RGS6: variants seen among roughly 807,000 people sequenced by gnomAD.
RGS6 encodes regulator of G protein signaling 6.
In RGS6, 30 loss-of-function variants were observed where a neutral mutation model predicts 78.5. That is an observed-to-expected ratio of 0.38 (90% CI 0.29 to 0.52). The LOEUF (loss-of-function observed/expected upper bound fraction) is 0.52. Among genes scored for constraint, RGS6 ranks in the 20% least tolerant of loss-of-function variants. The probability of loss-of-function intolerance (pLI) is 0.85; values close to 1 mark genes in which losing one functional copy is unlikely to be tolerated. For missense variants in RGS6, 495 were observed against 609.7 expected (o/e 0.81, Z 1.98); for synonymous variants, 206 against 206.0 (o/e 1.00, Z 0.00).
chr14:72,185,323 A>C (rs2097225474), intron 2 of RGS6, among the ~76,000 whole-genome samples: 1 of 152,230 alleles, frequency 6.6e-6, no homozygotes, highest in East Asian at 1.9e-4. Context: ...AATACTTTGC[A>C]TTCTTCAATC....
At chr14:72,115,247 T>C (rs749383647) in intron 2 of RGS6, among the ~76,000 whole-genome samples, 35 of 152,204 alleles carry the variant, frequency 2.3e-4, no homozygotes, top group Non-Finnish European at 4.6e-4. Context: ...TCTCTGGATT[T>C]GACTTACGCA....
rs147958111 is a variant in RGS6 at position 72,130,322 on chromosome 14, A to C, written c.84+165447A>C. Among the ~76,000 whole-genome samples, 502 of 152,266 alleles carry C rather than the reference A, an allele frequency of 3.3e-3. 3 individuals carry two copies. Among genetic ancestry groups the C allele is most frequent in the Non-Finnish European group, 6.3e-3 (426 of 68,006 alleles). ...TGAACCCCATTGTTCAAGAGTGAAC[A>C]ATGCAGGCTTCATTGCACAGGCATG... On this transcript the variant is annotated intron_variant, in intron 2 of 17. Transcript: ENST00000553525.
intron 2 of RGS6, among the ~76,000 whole-genome samples, chr14:72,016,978 A>G (rs1232830762): frequency 2.0e-5 from 3 of 152,106 alleles, no homozygotes; most frequent in South Asian, 2.1e-4. Context: ...GAATTTTGTA[A>G]TTTTTGCCAT....
the RGS6 span, among the ~76,000 whole-genome samples, chr14:72,580,637 T>C: frequency 2.0e-5 from 3 of 152,232 alleles, no homozygotes; most frequent in Non-Finnish European, 4.4e-5. Context: ...TTAGTATGGT[T>C]GTAATCAGGC....
chr14:72,063,310 C>G (rs1318389272), intron 2 of RGS6, among the ~76,000 whole-genome samples: 1 of 152,112 alleles, frequency 6.6e-6, no homozygotes, highest in African/African-American at 2.4e-5. Flanking sequence ...TACATGAAGA[C>G]AGTGCCAAGG....
chr14:71,941,600 T>G (rs969295558), intron 1 of RGS6, among the ~76,000 whole-genome samples: 1 of 152,186 alleles, frequency 6.6e-6, no homozygotes, highest in Non-Finnish European at 1.5e-5. Flanking sequence ...ACTGAAGAAC[T>G]TGGAGTCAGA....
chr14:72,395,530 CATA>C (rs1241096642), intron 3 of RGS6, among the ~76,000 whole-genome samples: 3 of 151,918 alleles, frequency 2.0e-5, no homozygotes, highest in Non-Finnish European at 4.4e-5. Flanking sequence ...TACTATCCAA[CATA>C]ATTATTTTTT....
rs56171281 is a variant in RGS6 at position 72,269,567 on chromosome 14, A to ATTTTTTTTTTTTTTTTTTTT, written c.85-82520_85-82501dup. On this transcript the variant is annotated intron_variant, in intron 2 of 17. Coordinates refer to ENST00000553525, the MANE Select transcript of RGS6 (RefSeq NM_001204424.2). ...GTTTTTACAGTGAAACCTATCTTAA[A>ATTTTTTTTTTTTTTTTTTTT]TTTTTTTTTTTTTTTTTTTTTTTTT... Among the ~76,000 whole-genome samples the ATTTTTTTTTTTTTTTTTTTT allele has an allele frequency of 1.7e-5, 2 of 120,334 alleles. 1 individual carries two copies. The highest frequency in any genetic ancestry group is 3.4e-5 in the Non-Finnish European group (2 of 59,348). The allele number at this position is 120,334 out of a possible 152,430, so 78.9% of individuals were successfully genotyped here. A position where few individuals can be genotyped will look rare whatever the true frequency, so the allele number is the denominator to read the frequency against.
chr14:72,628,145 G>A, the RGS6 span, among the ~76,000 whole-genome samples: 2 of 152,022 alleles, frequency 1.3e-5, no homozygotes, highest in African/African-American at 4.8e-5. Context: ...CTAGAATAGT[G>A]TCGAATCATA....
At chr14:72,506,984 T>TA (rs71109738) in intron 13 of RGS6, among the ~76,000 whole-genome samples, 881 of 54,218 alleles carry the variant, frequency 0.016, 89 homozygotes, top group African/African-American at 0.018. Context: ...CTGTCTCTAC[T>TA]AAAAAAAAAA....
chr14:72,027,217 A>AGAGAG (rs1555440277), intron 2 of RGS6, among the ~76,000 whole-genome samples: 11 of 148,950 alleles, frequency 7.4e-5, no homozygotes, highest in African/African-American at 2.2e-4. Flanking sequence ...CCTCTGCTTT[A>AGAGAG]AGAGAGAGAG....
At chr14:72,238,497 C>T (rs1293760535) in intron 2 of RGS6, among the ~76,000 whole-genome samples, 1 of 152,160 alleles carries the variant, frequency 6.6e-6, no homozygotes, top group Non-Finnish European at 1.5e-5. Context: ...TTGCTCTGTG[C>T]CACAGTTACG....
intron 2 of RGS6, among the ~76,000 whole-genome samples, chr14:72,164,344 G>A (rs1228858118): frequency 6.6e-6 from 1 of 152,154 alleles, no homozygotes; most frequent in Non-Finnish European, 1.5e-5. Context: ...CACTTACCCT[G>A]TGAAGTGGAG....
the RGS6 span, among the ~76,000 whole-genome samples, chr14:71,879,883 A>G: frequency 3.3e-5 from 5 of 152,378 alleles, no homozygotes; most frequent in South Asian, 1.0e-3. Flanking sequence ...GGAACTGGGT[A>G]ACAGGCAGAG....
intron 2 of RGS6, among the ~76,000 whole-genome samples, chr14:72,034,579 T>C (rs1469824801): frequency 6.6e-6 from 1 of 152,190 alleles, no homozygotes; most frequent in East Asian, 1.9e-4. Flanking sequence ...GCTAGTATTT[T>C]GTTACGAATG....
chr14:72,077,700 A>G (rs1437476111), intron 2 of RGS6, among the ~76,000 whole-genome samples: 1 of 152,164 alleles, frequency 6.6e-6, no homozygotes, highest in Non-Finnish European at 1.5e-5. Flanking sequence ...AAGAACAAGC[A>G]CACCTATTCT....
intron 2 of RGS6, among the ~76,000 whole-genome samples, chr14:72,078,877 T>C (rs182473486): frequency 1.3e-3 from 193 of 152,308 alleles, no homozygotes; most frequent in Admixed American, 3.3e-3. Flanking sequence ...TCTTCCCTTA[T>C]ATTTATTATT....
At chr14:72,547,457 T>C in intron 17 of RGS6, 1 of 766,858 alleles carries the variant, frequency 1.3e-6, no homozygotes, top group Non-Finnish European at 2.1e-6. Flanking sequence ...AAAATAGTGA[T>C]GAGTGTCCCT....
chr14:71,958,049 A>G (rs1214108613), intron 1 of RGS6, among the ~76,000 whole-genome samples: 2 of 151,924 alleles, frequency 1.3e-5, no homozygotes, highest in Admixed American at 1.3e-4. Context: ...AGCTTTGATA[A>G]TTTAATTAGT....
Sources: allele counts gnomAD v4.1 joint callset (sites outside exome capture counted in the v4.1 genomes callset), GRCh38; gene constraint gnomAD v4.1.1; transcripts MANE v1.5; gene names NCBI Gene and HGNC (gene_info 2026-07-23, HGNC 2026-07-21).